The following TPR variants were observed in gnomAD, a reference collection of about 807,000 sequenced individuals.
TPR encodes the protein translocated promoter region, nuclear basket protein, also known as nucleoprotein TPR.
TPR carries 51 observed loss-of-function variants against 316.1 expected under a neutral mutation model. The observed-to-expected ratio is 0.16, with a 90% CI of 0.13 to 0.20. The LOEUF (loss-of-function observed/expected upper bound fraction) is 0.20, where lower values mean the gene tolerates loss of function less well. Ranked by LOEUF, TPR falls within the 10% of genes least tolerant of loss-of-function variation. The probability of loss-of-function intolerance (pLI) is 1.00; values close to 1 mark genes in which losing one functional copy is unlikely to be tolerated. For missense variants in TPR, 2,272 were observed against 2,754.8 expected (o/e 0.82, Z 3.92); for synonymous variants, 981 against 914.7 (o/e 1.07, Z -1.31).
At chr1:186,372,491 A>G (rs1358532342) in intron 2 of TPR, among the ~76,000 whole-genome samples, 2 of 152,138 alleles carry the variant, frequency 1.3e-5, no homozygotes, top group Non-Finnish European at 2.9e-5. Flanking sequence ...GCAGAGAGCC[A>G]AGATTGCACC....
chr1:186,371,983 G>A (rs887133270), intron 2 of TPR, among the ~76,000 whole-genome samples: 1 of 151,792 alleles, frequency 6.6e-6, no homozygotes, highest in African/African-American at 2.4e-5. Context: ...CAAATTCCTC[G>A]GCACTACTAC....
chr1:186,351,647 C>T (rs1261335121), intron 19 of TPR, among the ~76,000 whole-genome samples, 177 bp from the exon 20 acceptor site: 1 of 152,010 alleles, frequency 6.6e-6, no homozygotes, highest in East Asian at 1.9e-4. Flanking sequence ...ATCTATTATA[C>T]AGGAAAGAGA....
At chr1:186,316,764 T>A (rs951401552) in intron 49 of TPR, among the ~76,000 whole-genome samples, 2 of 152,110 alleles carry the variant, frequency 1.3e-5, no homozygotes, top group African/African-American at 4.8e-5. Context: ...TCCATATCTA[T>A]AAAATGTGGA....
chr1:186,370,035 T>C (rs1659475068), intron 3 of TPR, among the ~76,000 whole-genome samples: 1 of 152,156 alleles, frequency 6.6e-6, no homozygotes, highest in South Asian at 2.1e-4. Context: ...AACCTCCGTA[T>C]TGGGTTTTAT....
chr1:186,327,424 G>T (rs774594312), intron 40 of TPR, 36 bp downstream of exon 40: 1 of 1,596,916 alleles, frequency 6.3e-7, no homozygotes, highest in Non-Finnish European at 8.5e-7. Context: ...TCATCCAATA[G>T]TTTAAAAACA....
In TPR at chr1:186,355,433, G is replaced by A. The variant is rs1571629139; in HGVS notation, c.2148C>T (p.Thr716=). 1 of 1,611,434 alleles carries A rather than the reference G, an allele frequency of 6.2e-7. No homozygotes were observed. The highest frequency in any genetic ancestry group is 1.1e-5 in the South Asian group (1 of 89,996). The change falls in exon 17 of 51, where the codon ACC becomes ACT. Residue 716 remains threonine (T), a synonymous_variant. Transcript: ENST00000367478. ...DLRSQNTKIS[T]QLDFASKRYE... ...ACCGTTTAGAAGCAAAATCTAGCTG[G>A]GTAGAAATTTTGGTATTTTGTGATC...
In TPR at chr1:186,313,628, A is replaced by T; in HGVS notation, c.*343T>A. 1 of 1,024,862 alleles carries T rather than the reference A, an allele frequency of 9.8e-7. No homozygotes were observed. 63.5% of individuals were successfully genotyped at this position (1,024,862 alleles called of 1,614,324 possible). On this transcript the variant is annotated 3_prime_UTR_variant, in exon 51 of 51. Transcript: ENST00000367478. The stretch of plus-strand genomic sequence containing the variant: ...TAATAGTCAACATAAGTTATTTTTT[A>T]GTTTGGGCATTGTTTTCTTTTTAAC...
rs543445221 is a variant in TPR, at chr1:186,351,958, G to A, written c.2469+18C>T. 53 of 1,575,478 alleles carry A rather than the reference G, an allele frequency of 3.4e-5. No homozygotes were observed. In the South Asian group the frequency reaches 4.3e-4, roughly 13 times the overall value. ...AACTTTTATACATTTTTTCTACATA[G>A]GCTTTTTATTTGGTTACCTGAATTG... is the stretch of plus-strand genomic sequence containing the variant. On this transcript the variant is annotated intron_variant, in intron 19 of 50. Coordinates refer to ENST00000367478, the MANE Select transcript of TPR (RefSeq NM_003292.3).
At chr1:186,323,398 C>T (rs1202168013) in intron 43 of TPR, among the ~76,000 whole-genome samples, 2 of 152,052 alleles carry the variant, frequency 1.3e-5, no homozygotes, top group African/African-American at 4.8e-5. Context: ...TTAATTAAAA[C>T]CCAAGAAAAT....
Position 186,362,303 on chromosome 1 carries a change from C to G in TPR, c.774G>C (p.Leu258Phe). 6.2e-7 allele frequency: 1 copy of G among 1,611,836 alleles called. No homozygotes were observed. Among genetic ancestry groups the G allele is most frequent in the Non-Finnish European group, 8.5e-7 (1 of 1,178,558 alleles). The part of the protein sequence containing the change: ...EHLQKHVEDL[L>F]TKLKEAKEQQ... The stretch of plus-strand genomic sequence containing the variant: ...TCATATATACCTCTTTTAATTTGGT[C>G]AACAGATCCTCCACATGCTTTTGAA... Residue 258 changes from leucine (L) to phenylalanine (F), a missense_variant, in exon 7 of 51, where the codon TTG becomes TTC. By Grantham distance (22) the Leu-to-Phe change is conservative. Around this residue, in one of 10 missense-constraint regions of TPR, gnomAD observed 549 missense variants for 598.6 expected, o/e 0.92. Transcript: ENST00000367478.
At position 186,373,395 on chromosome 1, in the gene TPR, C is replaced by G. The variant is rs775217915; in HGVS notation, c.220G>C (p.Glu74Gln). Residue 74 changes from glutamate to glutamine, a missense_variant, in exon 2 of 51, where the codon GAG (glutamate) becomes CAG (glutamine). This residue lies in a region of TPR where 549 missense variants were observed against 598.6 expected (regional missense o/e 0.92). Transcript: ENST00000367478. ...SQERLVNETR[E>Q]CQSLRLELEK... Reference sequence around the variant, plus strand: ...AGCTCAAGCCGCAAGCTTTGACACTCTCGGGTTTCATTCACAAGTCTCTCC... The same window carrying G: ...AGCTCAAGCCGCAAGCTTTGACACTGTCGGGTTTCATTCACAAGTCTCTCC... 5 of 1,613,526 alleles carry G rather than the reference C, an allele frequency of 3.1e-6. No individual in the cohort carries two copies. The South Asian group carries it at 5.5e-5, about 18-fold the overall frequency.
intron 40 of TPR, among the ~76,000 whole-genome samples, chr1:186,326,914 T>C (rs576971197): frequency 1.7e-3 from 236 of 136,952 alleles, no homozygotes; most frequent in Admixed American, 3.7e-3. Context: ...TCACTGGCTC[T>C]ACACTAATTT....
intron 4 of TPR, among the ~76,000 whole-genome samples, chr1:186,365,757 C>A (rs1659325869): frequency 1.3e-5 from 2 of 152,108 alleles, no homozygotes; most frequent in South Asian, 4.1e-4. Flanking sequence ...CATGATGTCA[C>A]AAAATTTGTA....
At position 186,361,634 on chromosome 1, in the gene TPR, C is replaced by T. The variant is rs768820753; in HGVS notation, c.946G>A (p.Glu316Lys). The T allele has an allele frequency of 6.2e-7, 1 of 1,613,084 alleles. No homozygotes were observed. The highest frequency in any genetic ancestry group is 1.1e-5 in the South Asian group (1 of 91,044). Residue 316 changes from glutamate (E) to lysine (K), a missense_variant, in exon 9 of 51, where the codon GAA becomes AAA. Physicochemically the swap from Glu to Lys is moderately conservative, Grantham distance 56. Coordinates refer to ENST00000367478, the MANE Select transcript of TPR (RefSeq NM_003292.3). ...TGAAAACACTTACCTTCACCAGCTT[C>T]TTTCAAAAGTTTGTGTAGTTCCTCT... ...AVEELHKLLK[E>K]AGEANKAIQD...
At chr1:186,367,610 T>C (rs1571640396) in intron 4 of TPR, among the ~76,000 whole-genome samples, 1 of 152,270 alleles carries the variant, frequency 6.6e-6, no homozygotes, top group South Asian at 2.1e-4. Flanking sequence ...TTTGACATTA[T>C]GTACAGCATT....
chr1:186,374,417 C>T (rs958948023), intron 1 of TPR, among the ~76,000 whole-genome samples: 3 of 152,196 alleles, frequency 2.0e-5, no homozygotes, highest in Admixed American at 6.5e-5. Context: ...TTTTTGTAAA[C>T]ATCTGATTCG....
At chr1:186,330,982 G>A (rs55713691) in intron 39 of TPR, among the ~76,000 whole-genome samples, 84 of 152,210 alleles carry the variant, frequency 5.5e-4, no homozygotes, top group African/African-American at 1.9e-3. Flanking sequence ...CCTAGTGGTG[G>A]AGCTAGGAAT....
intron 37 of TPR, among the ~76,000 whole-genome samples, 191 bp from the exon 38 acceptor site, chr1:186,332,534 TAAAC>T (rs1380209779): frequency 3.3e-5 from 5 of 152,258 alleles, no homozygotes; most frequent in Admixed American, 3.3e-4. Flanking sequence ...AAGCTATGGG[TAAAC>T]AAAGAGCAAC....
Position 186,352,016 on chromosome 1 carries a change from C to T in TPR, c.2429G>A (p.Arg810Lys), listed in dbSNP as rs1392496582. ...ATTAGTTAGCAGTAAGTTTTGCCCC[C>T]TTTGTTCAGCTAACAAAGACTCTCT... ...QQRESLLAEQ[R>K]GQNLLLTNLQ... The change falls in exon 19 of 51, where the codon AGG becomes AAG. Residue 810 changes from arginine to lysine, a missense_variant. By Grantham distance (26) the Arg-to-Lys change is conservative. Transcript: ENST00000367478. 4 of 1,607,224 alleles carry T rather than the reference C, an allele frequency of 2.5e-6. No homozygotes were observed. The highest frequency in any genetic ancestry group is 3.4e-6 in the Non-Finnish European group (4 of 1,177,420).
Sources: allele counts gnomAD v4.1 joint callset (sites outside exome capture counted in the v4.1 genomes callset), GRCh38; gene constraint gnomAD v4.1.1; regional missense constraint gnomAD v4.1.1; transcripts MANE v1.5; gene names NCBI Gene and HGNC (gene_info 2026-07-23, HGNC 2026-07-21).